The following FBLIM1 variants were observed in gnomAD, a reference collection of about 807,000 sequenced individuals.
FBLIM1 encodes filamin-binding LIM protein 1.
In FBLIM1, 29 loss-of-function variants were observed where a neutral mutation model predicts 37.4. That is an observed-to-expected ratio of 0.77 (90% CI 0.58 to 1.06). FBLIM1 has a LOEUF of 1.06. Ranked by LOEUF, FBLIM1 falls within the 50% of genes least tolerant of loss-of-function variation. The pLI, the probability that FBLIM1 is intolerant of heterozygous loss-of-function variation, is 0.00. For synonymous variants in FBLIM1, 193 were observed against 199.0 expected (o/e 0.97, Z 0.25); for missense variants, 449 against 505.6 (o/e 0.89, Z 1.07).
chr1:15,762,860 C>CG (rs2068740678), intron 1 of FBLIM1, among the ~76,000 whole-genome samples: 1 of 152,228 alleles, frequency 6.6e-6, no homozygotes, highest in Admixed American at 6.5e-5. Flanking sequence ...GGCCAGGAAT[C>CG]GGGGGGTGCC....
intron 6 of FBLIM1, among the ~76,000 whole-genome samples, chr1:15,772,925 C>T (rs2069290017): frequency 6.6e-6 from 1 of 152,006 alleles, no homozygotes; most frequent in Non-Finnish European, 1.5e-5. Context: ...GCTGGGATTA[C>T]AGTTGCCCAC....
At chr1:15,767,655 A>C in intron 4 of FBLIM1, 92 bp downstream of exon 4, 1 of 525,588 alleles carries the variant, frequency 1.9e-6, no homozygotes, top group Non-Finnish European at 3.4e-6. Context: ...GGGGTTCTAA[A>C]CCTGGACTTT....
chr1:15,772,803 AT>A (rs951212837), intron 6 of FBLIM1, among the ~76,000 whole-genome samples: 2 of 151,976 alleles, frequency 1.3e-5, no homozygotes, highest in African/African-American at 2.4e-5. Flanking sequence ...TAATATAGCT[AT>A]TTTTTTATTA....
At chr1:15,782,548 A>G (rs1276625212) in intron 8 of FBLIM1, among the ~76,000 whole-genome samples, 3 of 152,008 alleles carry the variant, frequency 2.0e-5, no homozygotes, top group African/African-American at 4.8e-5. Context: ...GGTGGTAGAT[A>G]AGGTGTTTCT....
At chr1:15,760,830 A>AG (rs2068641057) in intron 1 of FBLIM1, among the ~76,000 whole-genome samples, 1 of 151,926 alleles carries the variant, frequency 6.6e-6, no homozygotes, top group African/African-American at 2.4e-5. Flanking sequence ...GTGGGGGCGG[A>AG]GGGTCCCCTG....
intron 1 of FBLIM1, among the ~76,000 whole-genome samples, chr1:15,760,642 A>AC (rs568756852): frequency 4.8e-5 from 7 of 146,358 alleles, no homozygotes; most frequent in African/African-American, 1.0e-4. Context: ...TGTGGGGGTG[A>AC]CCCCCCCTGA....
intron 7 of FBLIM1, among the ~76,000 whole-genome samples, chr1:15,776,716 G>C (rs1388558331): frequency 6.6e-6 from 1 of 151,772 alleles, no homozygotes; most frequent in African/African-American, 2.4e-5. Flanking sequence ...GCAAAAATTA[G>C]CTGGGCGTGG....
chr1:15,761,742 G>A (rs1387993889), intron 1 of FBLIM1, among the ~76,000 whole-genome samples: 7 of 152,188 alleles, frequency 4.6e-5, no homozygotes, highest in African/African-American at 1.7e-4. Context: ...GTCAGACTGA[G>A]CTATGTATTT....
At chr1:15,771,019 A>G (rs955675998) in intron 6 of FBLIM1, among the ~76,000 whole-genome samples, 1 of 151,966 alleles carries the variant, frequency 6.6e-6, no homozygotes, top group African/African-American at 2.4e-5. Context: ...AGCTCACTGC[A>G]ACCTCGGCCA....
In FBLIM1 at chr1:15,784,853, G is replaced by T; in HGVS notation, c.*192G>T. The stretch of plus-strand genomic sequence containing the variant: ...AGGCCTTCCACTCCTCTACCCTCTG[G>T]GCACCAGAAGGCTCCTGGACCATGA... On this transcript the variant is annotated 3_prime_UTR_variant, in exon 9 of 9. Transcript: ENST00000375766. The T allele has an allele frequency of 2.1e-6, 1 of 474,320 alleles. No homozygotes were observed. Among genetic ancestry groups the T allele is most frequent in the South Asian group, 3.9e-5 (1 of 25,950 alleles). The allele number at this position is 474,320 out of a possible 1,614,324, so 29.4% of individuals were successfully genotyped here.
At chr1:15,762,496 C>T (rs113412145) in intron 1 of FBLIM1, among the ~76,000 whole-genome samples, 5,218 of 152,200 alleles carry the variant, frequency 0.034, 142 homozygotes, top group Non-Finnish European at 0.054. Flanking sequence ...CTCCTTACCT[C>T]GTGATCCAAC....
At chr1:15,766,280 GTGTGTGTGTGTA>G (rs1318456417) in intron 3 of FBLIM1, among the ~76,000 whole-genome samples, 4 of 151,818 alleles carry the variant, frequency 2.6e-5, no homozygotes, top group Non-Finnish European at 4.4e-5. Flanking sequence ...GCTAATTTGT[GTGTGTGTGTGTA>G]TGTGTGTGTG....
intron 1 of FBLIM1, among the ~76,000 whole-genome samples, chr1:15,760,011 G>C (rs1419211191): frequency 6.6e-6 from 1 of 152,064 alleles, no homozygotes; most frequent in African/African-American, 2.4e-5. Context: ...ATTACCTGAA[G>C]TCAGGAGTTG....
chr1:15,762,974 G>A (rs1014801306), intron 1 of FBLIM1, among the ~76,000 whole-genome samples: 5 of 152,178 alleles, frequency 3.3e-5, no homozygotes, highest in African/African-American at 1.2e-4. Context: ...CAAGGCAAGA[G>A]AGAGGACATA....
chr1:15,780,611 C>A (rs2069611488), intron 8 of FBLIM1, among the ~76,000 whole-genome samples: 1 of 152,218 alleles, frequency 6.6e-6, no homozygotes, highest in Admixed American at 6.6e-5. Context: ...CCTTCTACAG[C>A]TGGCTCCTTG....
At chr1:15,758,232 T>C (rs2068492566), upstream of FBLIM1, 1 of 152,216 alleles carries the variant, frequency 6.6e-6, no homozygotes. This position sits in a 1 kb window ranked among gnomAD's most constrained non-coding sequence, Gnocchi z 6.2. Context: ...ACACTGAGGC[T>C]CAGGAGGTGG....
intron 1 of FBLIM1, among the ~76,000 whole-genome samples, chr1:15,761,492 G>A (rs936462553): frequency 6.6e-6 from 1 of 152,176 alleles, no homozygotes; most frequent in Non-Finnish European, 1.5e-5. Flanking sequence ...CGAAACAAGT[G>A]CCTTATCAGC....
intron 8 of FBLIM1, among the ~76,000 whole-genome samples, chr1:15,782,249 T>C (rs1484665425): frequency 6.6e-6 from 1 of 151,128 alleles, no homozygotes; most frequent in African/African-American, 2.4e-5. Context: ...TTACCATAAA[T>C]GTTTAAAAAT....
intron 8 of FBLIM1, among the ~76,000 whole-genome samples, chr1:15,778,206 A>G (rs778578928): frequency 1.3e-4 from 19 of 152,000 alleles, no homozygotes; most frequent in Non-Finnish European, 1.9e-4. Flanking sequence ...AGGAAGGGAG[A>G]AGAGGATGCT....
Sources: gnomAD v4.1 joint callset for allele counts (sites outside exome capture counted in the v4.1 genomes callset) on GRCh38, gnomAD v4.1.1 for gene constraint, Gnocchi (gnomAD v3.1) non-coding constraint, MANE v1.5 for transcripts, NCBI Gene and HGNC (gene_info 2026-07-23, HGNC 2026-07-21) for gene names.